TLR6: variants seen among roughly 807,000 people sequenced by gnomAD.
The protein encoded by TLR6 is toll like receptor 6, also known as toll-like receptor 6.
TLR6 carries 9 observed loss-of-function variants against 16.1 expected under a neutral mutation model. That is an observed-to-expected ratio of 0.56 (90% CI 0.34 to 0.98). The LOEUF (loss-of-function observed/expected upper bound fraction) is 0.98. TLR6 is among the 50% of genes least tolerant of loss of function. The pLI, the probability that TLR6 is intolerant of heterozygous loss-of-function variation, is 0.02. For synonymous variants in TLR6, 340 were observed against 338.6 expected, an observed-to-expected ratio of 1.00 and a Z score of -0.04; for missense variants, 786 against 921.0, an observed-to-expected ratio of 0.85 and a Z score of 1.90.
chr4:38,838,958 AAGGAAGGGG>A (rs1414784918), intron 1 of TLR6, among the ~76,000 whole-genome samples: 2 of 119,100 alleles, frequency 1.7e-5, no homozygotes, highest in African/African-American at 4.2e-5. Flanking sequence ...GGAAGGAAGG[AAGGAAGGGG>A]AGGAAGGAAA....
At chr4:38,858,899 GAAAGAAAA>G (rs1713131331), upstream of TLR6, among the ~76,000 whole-genome samples, 4 of 146,266 alleles carry the variant, frequency 2.7e-5, no homozygotes, top group African/African-American at 1.0e-4. Context: ...GAGAAAGAAA[GAAAGAAAA>G]GAAAGAAAGA....
upstream of TLR6, among the ~76,000 whole-genome samples, chr4:38,861,412 C>T (rs1340543960): frequency 6.6e-6 from 1 of 152,120 alleles, no homozygotes; most frequent in Non-Finnish European, 1.5e-5. Flanking sequence ...TCTCAGTTGC[C>T]TGAATCCCAC....
exon 2 of TLR6, chr4:38,825,453 A>C (rs1436624065): frequency 6.6e-6 from 1 of 152,228 alleles, no homozygotes; most frequent in South Asian, 2.1e-4. Context: ...AGAGGGTATT[A>C]CACAAAGAGG....
chr4:38,842,601 C>T (rs73811213), intron 1 of TLR6, among the ~76,000 whole-genome samples: 4,827 of 152,268 alleles, frequency 0.032, 224 homozygotes, highest in African/African-American at 0.089. Flanking sequence ...GGCTCTGATC[C>T]GCACAGAAAA....
chr4:38,845,360 A>G (rs765296168), intron 1 of TLR6, among the ~76,000 whole-genome samples: 1 of 152,224 alleles, frequency 6.6e-6, no homozygotes, highest in Non-Finnish European at 1.5e-5. Flanking sequence ...TGAATATGCT[A>G]TGTTACATGG....
At chr4:38,827,114 A>C (rs775352343) in exon 2 of TLR6, 2 of 1,594,508 alleles carry the variant, frequency 1.3e-6, no homozygotes, top group South Asian at 2.3e-5. Flanking sequence ...TTCAGTGACT[A>C]GTGTTAATTT....
intron 1 of TLR6, among the ~76,000 whole-genome samples, chr4:38,847,331 G>T (rs2109462477): frequency 6.6e-6 from 1 of 152,282 alleles, no homozygotes; most frequent in Admixed American, 6.5e-5. Flanking sequence ...AATAGGAACA[G>T]CTCCAGTCTA....
At chr4:38,838,584 C>A (rs1181587090) in intron 1 of TLR6, among the ~76,000 whole-genome samples, 4 of 151,970 alleles carry the variant, frequency 2.6e-5, no homozygotes. Flanking sequence ...TTACCAGAGA[C>A]TAAGAGGTGA....
At chr4:38,858,773 GAGGGAGAGAGAGAGAGAGGGA>G (rs1713098337), upstream of TLR6, among the ~76,000 whole-genome samples, 3 of 76,752 alleles carry the variant, frequency 3.9e-5, 1 homozygote, top group Non-Finnish European at 6.5e-5. Flanking sequence ...GAGAGAGAGA[GAGGGAGAGAGAGAGAGAGGGA>G]GAGAGAGAGA....
chr4:38,860,207 C>T (rs1003109313), upstream of TLR6, among the ~76,000 whole-genome samples: 10 of 152,124 alleles, frequency 6.6e-5, no homozygotes, highest in African/African-American at 2.4e-4. Context: ...CGCAGTGGCT[C>T]ACACTTGTAA....
At chr4:38,833,979 C>G (rs546779844) in intron 1 of TLR6, among the ~76,000 whole-genome samples, 1 of 151,820 alleles carries the variant, frequency 6.6e-6, no homozygotes, top group African/African-American at 2.4e-5. Flanking sequence ...GTAATCCCAG[C>G]ACTTTGGGAG....
chr4:38,855,113 G>C, intron 1 of TLR6, among the ~76,000 whole-genome samples: 1 of 151,780 alleles, frequency 6.6e-6, no homozygotes. Flanking sequence ...TCGGGAGGCT[G>C]AGGCAGGAGA....
intron 1 of TLR6, among the ~76,000 whole-genome samples, chr4:38,841,432 A>T (rs1261857403): frequency 6.6e-6 from 1 of 152,202 alleles, no homozygotes; most frequent in Non-Finnish European, 1.5e-5. Context: ...CTCTACAAAA[A>T]ATACAAAAAT....
upstream of TLR6, among the ~76,000 whole-genome samples, chr4:38,858,209 C>T (rs1713067314): frequency 6.6e-6 from 1 of 152,234 alleles, no homozygotes; most frequent in South Asian, 2.1e-4. Context: ...CGAACCTCCA[C>T]TTGGCCACTT....
chr4:38,857,655 T>TAA (rs36056700), upstream of TLR6, among the ~76,000 whole-genome samples: 14 of 147,692 alleles, frequency 9.5e-5, no homozygotes, highest in South Asian at 4.3e-4. Context: ...TCATCTTTAT[T>TAA]AAAAAAAAAA....
the TLR6 span, among the ~76,000 whole-genome samples, chr4:38,862,504 T>C: frequency 1.3e-5 from 2 of 152,100 alleles, no homozygotes; most frequent in South Asian, 4.2e-4. Context: ...TGGTTTTGAA[T>C]TCCTGGCCTC....
intron 1 of TLR6, among the ~76,000 whole-genome samples, chr4:38,846,103 A>AAAAG (rs1712519743): frequency 6.8e-6 from 1 of 146,606 alleles, no homozygotes; most frequent in Admixed American, 6.7e-5. Context: ...AAAAAAAAAA[A>AAAAG]AAAAGAAAAG....
At chr4:38,828,773 T>C in exon 2 of TLR6, 5 of 1,613,710 alleles carry the variant, frequency 3.1e-6, no homozygotes, top group Non-Finnish European at 4.2e-6. Flanking sequence ...AACTTGACAG[T>C]TGTCATCATT....
rs977169776 is a variant in TLR6, at chr4:38,848,822, C to T, written c.-65+7939G>A. On this transcript the variant is annotated intron_variant, in intron 1 of 1. Coordinates refer to ENST00000436693, the Ensembl canonical transcript of TLR6. ...GTCTGATTGGTGTGCCTGAAATTGA[C>T]GGGGAGAATGGAACCATGTTGGAAA... Among the ~76,000 whole-genome samples, 8 of 152,110 alleles carry T rather than the reference C, an allele frequency of 5.3e-5. No individual in the cohort carries two copies. The East Asian group carries it at 5.8e-4, about 11-fold the overall frequency.
Sources: allele counts gnomAD v4.1 joint callset (sites outside exome capture counted in the v4.1 genomes callset), GRCh38; gene constraint gnomAD v4.1.1; transcripts MANE v1.5; gene names NCBI Gene and HGNC (gene_info 2026-07-23, HGNC 2026-07-21).